Variants in COL23A1 observed in about 807,000 individuals in gnomAD.
COL23A1 encodes collagen type XXIII alpha 1 chain, also known as collagen alpha-1(XXIII) chain.
Under a neutral mutation model 99.3 loss-of-function variants are expected in COL23A1, and 97 were observed. The observed-to-expected ratio is 0.98, with a 90% CI of 0.83 to 1.16. The LOEUF (loss-of-function observed/expected upper bound fraction) is 1.16. Ranked by LOEUF, COL23A1 falls within the 50% of genes most tolerant of loss-of-function variation. The probability of loss-of-function intolerance (pLI) is 0.00; values close to 1 mark genes in which losing one functional copy is unlikely to be tolerated. For synonymous variants in COL23A1, 320 were observed against 308.2 expected (o/e 1.04, Z -0.40); for missense variants, 762 against 757.4 (o/e 1.01, Z -0.07).
At chr5:178,312,230 T>A (rs2913771) in intron 2 of COL23A1, among the ~76,000 whole-genome samples, 2 of 151,976 alleles carry the variant, frequency 1.3e-5, no homozygotes, top group African/African-American at 4.8e-5. Context: ...TGTGAACCTC[T>A]GGATGAGAAT....
At chr5:178,560,817 T>G in intron 1 of COL23A1, 69 bp from the exon 2 acceptor site, 1 of 1,478,992 alleles carries the variant, frequency 6.8e-7, no homozygotes. Context: ...GGGGTAAAAG[T>G]GGAAACATCA....
rs1473712507 is a variant in COL23A1 at position 178,366,139 on chromosome 5, G to A, written c.362-59220C>T. 6.6e-5 allele frequency among the ~76,000 whole-genome samples: 10 copies of A among 152,146 alleles called. No individual in the cohort carries two copies. The highest frequency in any genetic ancestry group is 3.9e-4 in the East Asian group (2 of 5,190). ...TCTGTTAAAGCTCCATCTACCCTAC[G>A]AGGAGGCGAGTCCCCAAGGGCAGGG... On this transcript the variant is annotated intron_variant, in intron 2 of 28. Coordinates refer to ENST00000390654, the MANE Select transcript of COL23A1 (RefSeq NM_173465.4). The surrounding 1 kb of genome is among the most constrained non-coding windows in gnomAD (Gnocchi z 4.4).
Position 178,562,733 on chromosome 5 carries a change from T to TGGGGGGGGGGGGG in COL23A1, c.295-1986_295-1985insCCCCCCCCCCCCC, listed in dbSNP as rs879632255. 2.3e-4 allele frequency: 22 copies of TGGGGGGGGGGGGG among 97,662 alleles called. 1 individual carries two copies. The highest frequency in any genetic ancestry group is 1.4e-3 in the African/African-American group (20 of 14,666). The allele number at this position is 97,662 out of a possible 1,614,324, so 6.0% of individuals were successfully genotyped here. ...CACGCAGGTTGCTGCCGCTGGCTGG[T>TGGGGGGGGGGGGG]GGTGGGGGGGGTGCGGGCTTTTATT... On this transcript the variant is annotated intron_variant, in intron 1 of 28. Transcript: ENST00000390654.
At chr5:178,346,998 C>T (rs957467438) in intron 2 of COL23A1, among the ~76,000 whole-genome samples, 2 of 152,036 alleles carry the variant, frequency 1.3e-5, no homozygotes, top group South Asian at 4.1e-4. Flanking sequence ...CTTACGGCCT[C>T]CAGGGACCTG....
intron 2 of COL23A1, among the ~76,000 whole-genome samples, chr5:178,505,015 A>C (rs1431244152): frequency 2.0e-5 from 3 of 152,152 alleles, no homozygotes; most frequent in African/African-American, 7.2e-5. Flanking sequence ...AGTTCCACAG[A>C]CCGGTTTAAA....
chr5:178,397,657 G>A (rs1422420645), intron 2 of COL23A1, among the ~76,000 whole-genome samples: 7 of 152,330 alleles, frequency 4.6e-5, no homozygotes, highest in Middle Eastern at 3.4e-3. Flanking sequence ...AATGTGATGC[G>A]AATCCACTGC....
In COL23A1 at chr5:178,365,716, C is replaced by T. The variant is rs562565031; in HGVS notation, c.362-58797G>A. Among the ~76,000 whole-genome samples the T allele has an allele frequency of 3.3e-5, 5 of 152,312 alleles. No homozygotes were observed. The highest frequency in any genetic ancestry group is 1.2e-4 in the African/African-American group (5 of 41,568). ...GACCCTTGCGTTTCCTGTTCTCTGC[C>T]TGGAAAGCCATGTCTTGTTCTCCAC... is the stretch of plus-strand genomic sequence containing the variant. On this transcript the variant is annotated intron_variant, in intron 2 of 28. Transcript: ENST00000390654. The surrounding 1 kb of genome is among the most constrained non-coding windows in gnomAD (Gnocchi z 5.2).
chr5:178,257,667 T>TCTGCACTGGCAC, intron 12 of COL23A1, 100 bp from the exon 13 acceptor site: 1 of 1,247,060 alleles, frequency 8.0e-7, no homozygotes. Flanking sequence ...GCTCCTGGCA[T>TCTGCACTGGCAC]CTGCACTGGC....
At chr5:178,531,990 C>T (rs2113216042) in intron 2 of COL23A1, among the ~76,000 whole-genome samples, 1 of 152,356 alleles carries the variant, frequency 6.6e-6, no homozygotes, top group East Asian at 1.9e-4. Flanking sequence ...CAGCCCCCAG[C>T]TGACAACCAG....
At chr5:178,389,598 C>A (rs1030129284) in intron 2 of COL23A1, among the ~76,000 whole-genome samples, 6 of 152,218 alleles carry the variant, frequency 3.9e-5, no homozygotes, top group Admixed American at 6.5e-5. Context: ...GACTTCCCTC[C>A]ACCCCCAAGT....
At chr5:178,514,159 G>A (rs1027692517) in intron 2 of COL23A1, among the ~76,000 whole-genome samples, 1 of 152,200 alleles carries the variant, frequency 6.6e-6, no homozygotes, top group African/African-American at 2.4e-5. Context: ...GACTCAGGCT[G>A]TATTTGTCCT....
chr5:178,257,678 A>AC, intron 12 of COL23A1, 111 bp from the exon 13 acceptor site: 1 of 1,150,796 alleles, frequency 8.7e-7, no homozygotes, highest in Non-Finnish European at 1.3e-6. Context: ...CTGCACTGGC[A>AC]CATGGTACCA....
chr5:178,249,699 C>CAA (rs1417071941), intron 18 of COL23A1, among the ~76,000 whole-genome samples: 3 of 102,962 alleles, frequency 2.9e-5, no homozygotes, highest in Non-Finnish European at 6.5e-5. Context: ...CACACACACA[C>CAA]ACACACACAC....
intron 28 of COL23A1, 35 bp from the exon 29 acceptor site, chr5:178,238,735 A>G (rs1764235575): frequency 6.2e-7 from 1 of 1,612,018 alleles, no homozygotes; most frequent in Non-Finnish European, 8.5e-7. Context: ...GGTGACGAGG[A>G]GCCCGAGAAG....
chr5:178,375,337 C>G (rs562350885), intron 2 of COL23A1, among the ~76,000 whole-genome samples: 2 of 152,212 alleles, frequency 1.3e-5, no homozygotes, highest in African/African-American at 4.8e-5. Flanking sequence ...GGTCCTAAAA[C>G]GGACATCTCT....
chr5:178,371,918 A>T (rs1762821045), intron 2 of COL23A1, among the ~76,000 whole-genome samples: 1 of 152,168 alleles, frequency 6.6e-6, no homozygotes, highest in Admixed American at 6.5e-5. Flanking sequence ...AAATCTAACA[A>T]GTTAGTTAAG....
At chr5:178,501,897 TCCACCCGCAGTGGGCGGCAC>T (rs751924163) in intron 2 of COL23A1, among the ~76,000 whole-genome samples, 2 of 152,050 alleles carry the variant, frequency 1.3e-5, no homozygotes, top group African/African-American at 2.4e-5. Context: ...GACTTCCACC[TCCACCCGCAGTGGGCGGCAC>T]CCACCCTTCC....
chr5:178,524,796 G>A lies in COL23A1; in HGVS notation c.361+35886C>T, dbSNP rs111590565. 1.4e-4 allele frequency among the ~76,000 whole-genome samples: 21 copies of A among 152,266 alleles called. 1 individual carries two copies. The highest frequency in any genetic ancestry group is 5.1e-4 in the African/African-American group (21 of 41,538). ...TGTCTAGAGCCCTAACAGGCCATGTGGCTCCACAACAGACCCACAGATCAC... is the reference window on the plus strand; with the variant it reads ...TGTCTAGAGCCCTAACAGGCCATGTAGCTCCACAACAGACCCACAGATCAC... On this transcript the variant is annotated intron_variant, in intron 2 of 28. Coordinates refer to ENST00000390654, the MANE Select transcript of COL23A1 (RefSeq NM_173465.4).
intron 2 of COL23A1, among the ~76,000 whole-genome samples, chr5:178,509,381 C>T (rs762141775): frequency 3.7e-4 from 56 of 152,072 alleles, no homozygotes; most frequent in Non-Finnish European, 5.6e-4. Context: ...CCACCATGCC[C>T]GGCTAATTTT....
Sources: gnomAD v4.1 joint callset for allele counts (sites outside exome capture counted in the v4.1 genomes callset) on GRCh38, gnomAD v4.1.1 for gene constraint, Gnocchi (gnomAD v3.1) non-coding constraint, MANE v1.5 for transcripts, NCBI Gene and HGNC (gene_info 2026-07-23, HGNC 2026-07-21) for gene names.